The following GABBR2 variants were observed in gnomAD, a reference collection of about 807,000 sequenced individuals.
The protein encoded by GABBR2 is gamma-aminobutyric acid type B receptor subunit 2.
Under a neutral mutation model 105.6 loss-of-function variants are expected in GABBR2, and 23 were observed. The observed-to-expected ratio is 0.22, with a 90% CI of 0.16 to 0.31. GABBR2 has a LOEUF of 0.31. Ranked by LOEUF, GABBR2 falls within the 10% of genes least tolerant of loss-of-function variation. The probability of loss-of-function intolerance (pLI) is 1.00; values close to 1 mark genes in which losing one functional copy is unlikely to be tolerated. For missense variants in GABBR2, 734 were observed against 1,245.5 expected (o/e 0.59, Z 6.18); for synonymous variants, 478 against 499.7 (o/e 0.96, Z 0.58).
intron 7 of GABBR2, among the ~76,000 whole-genome samples, chr9:98,417,241 G>A (rs1238649469): frequency 6.6e-6 from 1 of 152,202 alleles, no homozygotes; most frequent in African/African-American, 2.4e-5. Flanking sequence ...GAAGAGCTAC[G>A]AAGGAGAGAG....
intron 1 of GABBR2, among the ~76,000 whole-genome samples, chr9:98,651,962 A>G (rs1830114473): frequency 1.3e-5 from 2 of 152,162 alleles, no homozygotes; most frequent in Non-Finnish European, 2.9e-5. Context: ...ATAACATGTG[A>G]GATTAGATTC....
At position 98,290,607 on chromosome 9, in the gene GABBR2, G is replaced by C; in HGVS notation, c.2803C>G (p.Arg935Gly). 1.4e-6 allele frequency: 2 copies of C among 1,416,940 alleles called. No individual in the cohort carries two copies. The highest frequency in any genetic ancestry group is 1.8e-6 in the Non-Finnish European group (2 of 1,085,872). 87.8% of individuals were successfully genotyped at this position (1,416,940 alleles called of 1,614,324 possible). ...CCTTACAGGCCCGAGACCATGACTC[G>C]GAAGGAGGGTGGCACATGTCTGTGG... The part of the protein sequence containing the change: ...PRHRHVPPSF[R>G]VMVSGL Residue 935 changes from arginine (R) to glycine (G), a missense_variant, in exon 19 of 19, where the codon CGA becomes GGA. Coordinates refer to ENST00000259455, the MANE Select transcript of GABBR2 (RefSeq NM_005458.8).
chr9:98,335,270 CCTCT>C (rs1186460072), intron 13 of GABBR2, among the ~76,000 whole-genome samples: 1 of 152,212 alleles, frequency 6.6e-6, no homozygotes, highest in Non-Finnish European at 1.5e-5. Flanking sequence ...CCCAGGTGGG[CCTCT>C]CTCTGAGTCT....
In GABBR2 at chr9:98,306,476, CTG is replaced by C; in HGVS notation, c.2005-133_2005-132del. ...CAGGGAGGGAGGGTCGGGGGCCTTG[CTG>C]TCAGCCGGGTCTTCTGGATGTCACC... On this transcript the variant is annotated intron_variant, in intron 14 of 18. Transcript: ENST00000259455. The surrounding 1 kb of genome is among the most constrained non-coding windows in gnomAD (Gnocchi z 5.4). The C allele has an allele frequency of 1.5e-6, 1 of 663,638 alleles. No individual in the cohort carries two copies. The highest frequency in any genetic ancestry group is 2.7e-5 in the East Asian group (1 of 36,720). 41.1% of individuals were successfully genotyped at this position (663,638 alleles called of 1,614,324 possible).
intron 4 of GABBR2, among the ~76,000 whole-genome samples, chr9:98,485,402 G>T (rs1457663155): frequency 6.6e-6 from 1 of 151,982 alleles, no homozygotes; most frequent in Non-Finnish European, 1.5e-5. Context: ...CCAAACCCTG[G>T]GTAGCTTTCC....
In GABBR2 at chr9:98,697,104, T is replaced by C. The variant is rs957492945; in HGVS notation, c.321+11313A>G. Among the ~76,000 whole-genome samples the C allele has an allele frequency of 2.0e-5, 3 of 152,268 alleles. No individual in the cohort carries two copies. The South Asian group carries it at 6.2e-4, about 32-fold the overall frequency. On this transcript the variant is annotated intron_variant, in intron 1 of 18. Transcript: ENST00000259455. ...AGCTGCAGAGATCAAAGTCAGACCATCCAGACTTCAAATCCCAGCTCGACA... is the reference window on the plus strand; with the variant it reads ...AGCTGCAGAGATCAAAGTCAGACCACCCAGACTTCAAATCCCAGCTCGACA...
intron 8 of GABBR2, among the ~76,000 whole-genome samples, chr9:98,398,322 A>ACCCC (rs1484395615): frequency 1.3e-5 from 2 of 149,728 alleles, no homozygotes; most frequent in African/African-American, 5.1e-5. Flanking sequence ...CAATTCTAGG[A>ACCCC]CCCACCCCCC....
rs76987298 is a variant in GABBR2, at chr9:98,605,181, T to C, written c.322-27109A>G. 7.9e-3 allele frequency among the ~76,000 whole-genome samples: 1,206 copies of C among 152,362 alleles called. 8 individuals carry two copies. The highest frequency in any genetic ancestry group is 0.01 in the Non-Finnish European group (699 of 68,034). On this transcript the variant is annotated intron_variant, in intron 1 of 18. Coordinates refer to ENST00000259455, the MANE Select transcript of GABBR2 (RefSeq NM_005458.8). ...TTCTGTTGAGGCCTCCACAGGGATG[T>C]ACAGTGCAACAGCGGAGTAGCCATC...
chr9:98,612,063 T>C (rs1244184466), intron 1 of GABBR2, among the ~76,000 whole-genome samples: 1 of 152,240 alleles, frequency 6.6e-6, no homozygotes, highest in Non-Finnish European at 1.5e-5. Context: ...CACCTGCAGA[T>C]TGTCCCCAGA....
chr9:98,425,557 G>A (rs1425559868), intron 7 of GABBR2, among the ~76,000 whole-genome samples: 1 of 152,164 alleles, frequency 6.6e-6, no homozygotes, highest in Non-Finnish European at 1.5e-5. Flanking sequence ...CATGGCTCTG[G>A]TCCTACTGCA....
chr9:98,564,078 A>G (rs559162756), intron 2 of GABBR2, among the ~76,000 whole-genome samples: 3 of 152,312 alleles, frequency 2.0e-5, no homozygotes, highest in South Asian at 2.1e-4. Context: ...AGTGCTATGT[A>G]TGCATGTGTG....
intron 1 of GABBR2, among the ~76,000 whole-genome samples, chr9:98,677,120 T>C (rs988066580): frequency 3.3e-5 from 5 of 152,218 alleles, no homozygotes; most frequent in Non-Finnish European, 7.3e-5. Context: ...TCTTTTCACA[T>C]AGCCAAGAAG....
At position 98,558,905 on chromosome 9, in the gene GABBR2, G is replaced by A. The variant is rs538437928; in HGVS notation, c.460-16862C>T. Among the ~76,000 whole-genome samples the A allele has an allele frequency of 5.3e-5, 8 of 152,254 alleles. No homozygotes were observed. In the South Asian group the frequency reaches 8.3e-4, roughly 16 times the overall value. On this transcript the variant is annotated intron_variant, in intron 2 of 18. Coordinates refer to ENST00000259455, the MANE Select transcript of GABBR2 (RefSeq NM_005458.8). ...AGTACAGTTCTATGTTTGACTCTTC[G>A]TAGAAACTGAAAACAAGCATCATGC...
At chr9:98,469,948 A>G (rs1826635153) in intron 6 of GABBR2, among the ~76,000 whole-genome samples, 1 of 152,244 alleles carries the variant, frequency 6.6e-6, no homozygotes, top group African/African-American at 2.4e-5. Flanking sequence ...ACGCAAATTC[A>G]AATTCAAGAA....
In GABBR2 at chr9:98,388,743, C is replaced by G. The variant is rs544458274; in HGVS notation, c.1529+111G>C. Reference sequence around the variant, plus strand: ...GGAGGAACACTTTGGGAAACTCTGCCCTGCAGACTTCTGTGTCCCTGGGGA... The same window carrying G: ...GGAGGAACACTTTGGGAAACTCTGCGCTGCAGACTTCTGTGTCCCTGGGGA... On this transcript the variant is annotated intron_variant, in intron 10 of 18. Transcript: ENST00000259455. This position sits in a 1 kb window ranked among gnomAD's most constrained non-coding sequence, Gnocchi z 4.4. 49 of 850,380 alleles carry G rather than the reference C, an allele frequency of 5.8e-5. 2 individuals carry two copies. In the South Asian group the frequency reaches 9.0e-4, roughly 16 times the overall value. 52.7% of individuals were successfully genotyped at this position (850,380 alleles called of 1,614,324 possible).
At chr9:98,337,364 C>T (rs924413406) in intron 13 of GABBR2, among the ~76,000 whole-genome samples, 4 of 152,054 alleles carry the variant, frequency 2.6e-5, no homozygotes, top group African/African-American at 9.7e-5. Context: ...AAAAGATAGC[C>T]CATGTTCATG....
In GABBR2 at chr9:98,306,076, T is replaced by C; in HGVS notation, c.2229+45A>G. The C allele has an allele frequency of 7.5e-7, 1 of 1,333,300 alleles. No individual in the cohort carries two copies. Among genetic ancestry groups the C allele is most frequent in the Non-Finnish European group, 1.1e-6 (1 of 929,868 alleles). 82.6% of individuals were successfully genotyped at this position (1,333,300 alleles called of 1,614,324 possible). On this transcript the variant is annotated intron_variant, in intron 15 of 18. Coordinates refer to ENST00000259455, the MANE Select transcript of GABBR2 (RefSeq NM_005458.8). This position sits in a 1 kb window ranked among gnomAD's most constrained non-coding sequence, Gnocchi z 5.4. ...AGAAAAGCCAGCAATGCCCCTGTGC[T>C]GGAGTCAGAGGGCAGAGGCCAGGTG...
At chr9:98,546,576 C>T (rs905294670) in intron 2 of GABBR2, among the ~76,000 whole-genome samples, 3 of 152,120 alleles carry the variant, frequency 2.0e-5, no homozygotes, top group South Asian at 2.1e-4. Flanking sequence ...TACTGTATCA[C>T]GCTTGTTATT....
At chr9:98,338,771 C>T (rs1831158548) in intron 13 of GABBR2, among the ~76,000 whole-genome samples, 1 of 152,166 alleles carries the variant, frequency 6.6e-6, no homozygotes, top group East Asian at 1.9e-4. Flanking sequence ...CCAGCAATTC[C>T]ACTCCCAGGT....
Sources: allele counts gnomAD v4.1 joint callset (sites outside exome capture counted in the v4.1 genomes callset), GRCh38; gene constraint gnomAD v4.1.1; non-coding constraint Gnocchi (gnomAD v3.1); transcripts MANE v1.5; gene names NCBI Gene and HGNC (gene_info 2026-07-23, HGNC 2026-07-21).